The following RNF169 variants were observed in gnomAD, a reference collection of about 807,000 sequenced individuals.
RNF169 encodes E3 ubiquitin-protein ligase RNF169.
A neutral mutation model predicts 53.9 loss-of-function variants in RNF169; 24 were observed. The observed-to-expected ratio is 0.45, with a 90% CI of 0.32 to 0.63. The LOEUF (loss-of-function observed/expected upper bound fraction) is 0.63, where lower values mean the gene tolerates loss of function less well. RNF169 is among the 20% of genes least tolerant of loss of function. The pLI is 0.04. For synonymous variants in RNF169, 396 were observed against 363.5 expected (o/e 1.09, Z -1.02); for missense variants, 883 against 906.2 (o/e 0.97, Z 0.33).
At chr11:74,757,271 G>A (rs1369405451) in intron 1 of RNF169, among the ~76,000 whole-genome samples, 1 of 121,766 alleles carries the variant, frequency 8.2e-6, no homozygotes, top group Non-Finnish European at 1.7e-5. Context: ...TCTTGCGATA[G>A]TTTACTGAGA....
chr11:74,796,665 G>A (rs1327422954), intron 2 of RNF169, among the ~76,000 whole-genome samples: 1 of 151,942 alleles, frequency 6.6e-6, no homozygotes, highest in African/African-American at 2.4e-5. Flanking sequence ...CTGAAAGACT[G>A]AAGGTGGGGG....
chr11:74,763,276 C>G lies in RNF169; in HGVS notation c.502+13894C>G, dbSNP rs188791271. On this transcript the variant is annotated intron_variant, in intron 1 of 5. Coordinates refer to ENST00000299563, the MANE Select transcript of RNF169 (RefSeq NM_001098638.2). ...TACCTTAGACCTCAAGGGATTCTTA[C>G]AGAAGAAATAAGCCCAACTGAAGAT... Among the ~76,000 whole-genome samples, 6 of 152,174 alleles carry G rather than the reference C, an allele frequency of 3.9e-5. No homozygotes were observed. In the East Asian group the frequency reaches 9.6e-4, roughly 24 times the overall value.
intron 1 of RNF169, among the ~76,000 whole-genome samples, chr11:74,787,404 A>AAC (rs2035519354): frequency 6.6e-6 from 1 of 152,218 alleles, no homozygotes; most frequent in Non-Finnish European, 1.5e-5. Flanking sequence ...ACCATATAAA[A>AAC]ACACTCAATT....
intron 1 of RNF169, among the ~76,000 whole-genome samples, chr11:74,754,825 CAAAT>C (rs1411375123): frequency 3.9e-5 from 6 of 152,228 alleles, no homozygotes; most frequent in Non-Finnish European, 7.4e-5. Flanking sequence ...CTCTGAAAAA[CAAAT>C]AAACAAAACA....
intron 1 of RNF169, among the ~76,000 whole-genome samples, chr11:74,764,345 C>G (rs1229416099): frequency 6.6e-6 from 1 of 151,936 alleles, no homozygotes; most frequent in Non-Finnish European, 1.5e-5. Context: ...ACCAGCCTGA[C>G]TAACATGTTG....
intron 3 of RNF169, among the ~76,000 whole-genome samples, chr11:74,811,529 G>A (rs928296522): frequency 1.3e-5 from 2 of 152,064 alleles, no homozygotes; most frequent in Non-Finnish European, 2.9e-5. Context: ...GCCCCTGCCC[G>A]GCCTTGGTTT....
intron 1 of RNF169, among the ~76,000 whole-genome samples, chr11:74,765,925 G>T (rs745572458): frequency 7.3e-5 from 11 of 151,368 alleles, no homozygotes; most frequent in Non-Finnish European, 1.5e-4. Flanking sequence ...AAAGAATAAA[G>T]AGCAGAAATT....
intron 1 of RNF169, among the ~76,000 whole-genome samples, chr11:74,761,211 A>T (rs1407331949): frequency 7.0e-6 from 1 of 143,404 alleles, no homozygotes; most frequent in African/African-American, 2.6e-5. Context: ...GTGTCTCTGC[A>T]CGTGAGATGG....
rs967524426 is a variant in RNF169 at position 74,838,193 on chromosome 11, T to G, written c.*1463T>G. The G allele has an allele frequency of 1.3e-5, 2 of 152,182 alleles. No individual in the cohort carries two copies. Among genetic ancestry groups the G allele is most frequent in the Non-Finnish European group, 2.9e-5 (2 of 68,042 alleles). 9.4% of individuals were successfully genotyped at this position (152,182 alleles called of 1,614,324 possible). A position where few individuals can be genotyped will look rare whatever the true frequency, so the allele number is the denominator to read the frequency against. On this transcript the variant is annotated 3_prime_UTR_variant, in exon 6 of 6. Transcript: ENST00000299563. ...ACCTTAATGGTTATCTATTCCAGCC[T>G]CCTCCTAAGGTCCTCCTCAGCTTCT...
intron 4 of RNF169, among the ~76,000 whole-genome samples, chr11:74,819,648 C>T (rs1046765389): frequency 3.3e-5 from 5 of 152,076 alleles, no homozygotes; most frequent in African/African-American, 1.2e-4. Context: ...CAGAGGGCCT[C>T]TAGGAGGGAG....
Position 74,810,198 on chromosome 11 carries a change from G to T in RNF169, c.591G>T (p.Lys197Asn), listed in dbSNP as rs1220238051. The change falls in exon 3 of 6, where the codon AAG (lysine) becomes AAT (asparagine). Residue 197 changes from lysine (K) to asparagine (N), a missense_variant. Lys to Asn is a moderately conservative substitution (Grantham distance 94). Around this residue, in one of 3 missense-constraint regions of RNF169, gnomAD observed 219 missense variants for 289.1 expected, o/e 0.76. Transcript: ENST00000299563. The part of the protein sequence containing the change: ...YESLRKLREE[K>N]LQEEKPSEDQ... Reference sequence around the variant, plus strand: ...TATATTTTTAGCTGAGAGAAGAAAAGTTACAAGAGGAAAAACCCTCTGAAG... The same window carrying T: ...TATATTTTTAGCTGAGAGAAGAAAATTTACAAGAGGAAAAACCCTCTGAAG... The T allele has an allele frequency of 3.1e-6, 5 of 1,609,276 alleles. No individual in the cohort carries two copies. Among genetic ancestry groups the T allele is most frequent in the Non-Finnish European group, 4.2e-6 (5 of 1,178,924 alleles).
chr11:74,763,364 A>G (rs1358007443), intron 1 of RNF169, among the ~76,000 whole-genome samples: 1 of 152,206 alleles, frequency 6.6e-6, no homozygotes, highest in African/African-American at 2.4e-5. Context: ...GAGTCAGCAG[A>G]TAGAACAAGC....
In RNF169 at chr11:74,781,187, A is replaced by G. The variant is rs576768579; in HGVS notation, c.503-8439A>G. ...TCAGTTGGATCCTTGGAGGGCTACA[A>G]ACTAGGGGAGAATGAGCTGTAGAAG... On this transcript the variant is annotated intron_variant, in intron 1 of 5. Transcript: ENST00000299563. 3.9e-5 allele frequency among the ~76,000 whole-genome samples: 6 copies of G among 152,324 alleles called. No homozygotes were observed. The South Asian group carries it at 6.2e-4, about 16-fold the overall frequency.
chr11:74,761,951 T>C (rs1014857503), intron 1 of RNF169, among the ~76,000 whole-genome samples: 1 of 149,450 alleles, frequency 6.7e-6, no homozygotes, highest in Non-Finnish European at 1.5e-5. Flanking sequence ...CAATCAGACG[T>C]AGATTTGGTC....
intron 2 of RNF169, among the ~76,000 whole-genome samples, chr11:74,797,164 G>GCAGT (rs1161432164): frequency 6.6e-6 from 1 of 152,182 alleles, no homozygotes; most frequent in African/African-American, 2.4e-5. Context: ...GCTCTATAAG[G>GCAGT]CAGTCATTAA....
intron 4 of RNF169, among the ~76,000 whole-genome samples, chr11:74,824,950 G>C (rs7121530): frequency 0.34 from 52,451 of 152,116 alleles, 11,093 homozygotes; most frequent in African/African-American, 0.6. Flanking sequence ...AGAAATGATT[G>C]AGATATATGC....
In RNF169 at chr11:74,839,654, G is replaced by T. The variant is rs757269006; in HGVS notation, c.*2924G>T. On this transcript the variant is annotated 3_prime_UTR_variant, in exon 6 of 6. Coordinates refer to ENST00000299563, the MANE Select transcript of RNF169 (RefSeq NM_001098638.2). ...TTTTTATTATTAAAGGGGAAGTTAG[G>T]GGGGAGGGTGAAGGTCAGTCTGAGG... is the stretch of plus-strand genomic sequence containing the variant. The T allele has an allele frequency of 6.6e-6, 1 of 152,186 alleles. No homozygotes were observed. Among genetic ancestry groups the T allele is most frequent in the Non-Finnish European group, 1.5e-5 (1 of 68,044 alleles). The allele number at this position is 152,186 out of a possible 1,614,324, so 9.4% of individuals were successfully genotyped here. A position where few individuals can be genotyped will look rare whatever the true frequency, so the allele number is the denominator to read the frequency against.
At chr11:74,810,440 A>C in intron 3 of RNF169, 110 bp downstream of exon 3, 1 of 978,956 alleles carries the variant, frequency 1.0e-6, no homozygotes, top group Non-Finnish European at 1.6e-6. Flanking sequence ...AGTAACAGTC[A>C]GTGACTGTGC....
At chr11:74,789,005 T>A (rs1262959134) in intron 1 of RNF169, among the ~76,000 whole-genome samples, 1 of 152,220 alleles carries the variant, frequency 6.6e-6, no homozygotes, top group Non-Finnish European at 1.5e-5. Context: ...ACTAGCTCTG[T>A]AACCTTGGGC....
Sources: allele counts gnomAD v4.1 joint callset (sites outside exome capture counted in the v4.1 genomes callset), GRCh38; gene constraint gnomAD v4.1.1; regional missense constraint gnomAD v4.1.1; transcripts MANE v1.5; gene names NCBI Gene and HGNC (gene_info 2026-07-23, HGNC 2026-07-21).